The following TSBP1 variants were observed in gnomAD, a reference collection of about 807,000 sequenced individuals.
TSBP1 encodes testis expressed basic protein 1, also known as testis-expressed basic protein 1.
In TSBP1, 56 loss-of-function variants were observed where a neutral mutation model predicts 68.8. That is an observed-to-expected ratio of 0.81 (90% CI 0.66 to 1.02). TSBP1 has a LOEUF of 1.02. Among genes scored for constraint, TSBP1 ranks in the 50% least tolerant of loss-of-function variants. TSBP1 has a pLI of 0.00. For synonymous variants in TSBP1, 171 were observed against 208.7 expected (o/e 0.82, Z 1.56); for missense variants, 502 against 641.2 (o/e 0.78, Z 2.34).
exon 23 of TSBP1, chr6:32,294,025 T>A: frequency 6.2e-7 from 1 of 1,608,558 alleles, no homozygotes; most frequent in Non-Finnish European, 8.5e-7. Context: ...CCATGTAACC[T>A]GTTAATATAA....
Position 32,336,254 on chromosome 6 carries a change from G to A in TSBP1, c.431-322C>T, listed in dbSNP as rs6930681. Among the ~76,000 whole-genome samples, 51,188 of 152,092 alleles carry A rather than the reference G, an allele frequency of 0.34. 9,683 individuals are homozygous for A. The highest frequency in any genetic ancestry group is 0.52 in the Middle Eastern group (153 of 294). The stretch of plus-strand genomic sequence containing the variant: ...TTGCCCCTAGTTTCCTTAGAGACAT[G>A]GTTTATTTGAAAGGTGTACCTTCCC... On this transcript the variant is annotated intron_variant, in intron 12 of 22. Transcript: ENST00000612031. This position sits in a 1 kb window ranked among gnomAD's most constrained non-coding sequence, Gnocchi z 5.2.
Position 32,370,001 on chromosome 6 carries a change from C to G in TSBP1, c.14-18G>C. 1 of 1,522,166 alleles carries G rather than the reference C, an allele frequency of 6.6e-7. No homozygotes were observed. The highest frequency in any genetic ancestry group is 9.1e-7 in the Non-Finnish European group (1 of 1,097,178). The allele number at this position is 1,522,166 out of a possible 1,614,324, so 94.3% of individuals were successfully genotyped here. ...AGTTATTTCTGAAAACAAAAACTCA[C>G]CTGTAAACATGCTTATTTAGACCAG... On this transcript the variant is annotated intron_variant, in intron 1 of 22. Transcript: ENST00000612031.
rs1187126861 is a variant in TSBP1, at chr6:32,351,696, T to C, written c.260-1867A>G. ...TCCACAGAATGGAAACTCTTGAATG[T>C]TTATGAGTGTGAGATTAACTTCATT... On this transcript the variant is annotated intron_variant, in intron 8 of 22. Transcript: ENST00000612031. 3.3e-5 allele frequency among the ~76,000 whole-genome samples: 5 copies of C among 152,104 alleles called. No homozygotes were observed. The East Asian group carries it at 9.6e-4, about 29-fold the overall frequency.
intron 8 of TSBP1, among the ~76,000 whole-genome samples, chr6:32,354,096 T>G (rs548912116): frequency 6.6e-6 from 1 of 152,012 alleles, no homozygotes; most frequent in East Asian, 1.9e-4. Context: ...TGTGTGGTGT[T>G]GGGGGAGAGT....
intron 6 of TSBP1, among the ~76,000 whole-genome samples, chr6:32,363,490 T>C (rs1773300148): frequency 1.3e-5 from 2 of 151,612 alleles, no homozygotes; most frequent in Non-Finnish European, 2.9e-5. Context: ...TTTTCTGTAG[T>C]GGTATGCTTT....
intron 16 of TSBP1, chr6:32,324,502 T>A: frequency 1.0e-6 from 1 of 961,200 alleles, no homozygotes; most frequent in Non-Finnish European, 1.6e-6. Flanking sequence ...TTCCAGTACA[T>A]CATGAATAAT....
intron 9 of TSBP1, among the ~76,000 whole-genome samples, chr6:32,347,523 T>G (rs1269124098): frequency 6.6e-6 from 1 of 152,204 alleles, no homozygotes; most frequent in African/African-American, 2.4e-5. Flanking sequence ...GAAGCACATA[T>G]GAGACTTTAC....
At chr6:32,295,342 A>G (rs1458173063) in intron 22 of TSBP1, among the ~76,000 whole-genome samples, 1 of 82,454 alleles carries the variant, frequency 1.2e-5, no homozygotes, top group Non-Finnish European at 2.5e-5. Flanking sequence ...TCTCACACAC[A>G]CACACACAAA....
intron 22 of TSBP1, 107 bp downstream of exon 25, chr6:32,299,815 T>C (rs1291388525): frequency 8.1e-6 from 7 of 861,626 alleles, no homozygotes; most frequent in Non-Finnish European, 1.4e-5. Flanking sequence ...AACATTCAAA[T>C]TGGCCTTAGA....
chr6:32,347,545 C>G (rs1194804304), intron 9 of TSBP1, among the ~76,000 whole-genome samples: 1 of 152,190 alleles, frequency 6.6e-6, no homozygotes, highest in Admixed American at 6.5e-5. Flanking sequence ...CTGTACCTCT[C>G]TCCTTCTTGC....
At position 32,327,654 on chromosome 6, in the gene TSBP1, C is replaced by CTTTTATTTTCTTTCTTTCTT. The variant is rs70993815; in HGVS notation, c.514+2934_514+2935insAAGAAAGAAAGAAAATAAAA. Among the ~76,000 whole-genome samples, 42 of 147,042 alleles carry CTTTTATTTTCTTTCTTTCTT rather than the reference C, an allele frequency of 2.9e-4. 1 individual carries two copies. The highest frequency in any genetic ancestry group is 4.2e-4 in the Non-Finnish European group (28 of 66,782). On this transcript the variant is annotated intron_variant, in intron 16 of 22. Coordinates refer to ENST00000612031, the Ensembl canonical transcript of TSBP1. The stretch of plus-strand genomic sequence containing the variant: ...CTTTTGTCAGTCTAATTTTCTTTTT[C>CTTTTATTTTCTTTCTTTCTT]TTTTTTTTTTTCTTTTTGAGACAGA...
In TSBP1 at chr6:32,340,561, A is replaced by T. The variant is rs1009481004; in HGVS notation, c.350-923T>A. Among the ~76,000 whole-genome samples, 2 of 152,202 alleles carry T rather than the reference A, an allele frequency of 1.3e-5. No homozygotes were observed. Among genetic ancestry groups the T allele is most frequent in the African/African-American group, 4.8e-5 (2 of 41,452 alleles). On this transcript the variant is annotated intron_variant, in intron 9 of 22. Transcript: ENST00000612031. The surrounding 1 kb of genome is among the most constrained non-coding windows in gnomAD (Gnocchi z 4.8). ...TAATTTTTTAAGATTTAAGATATTA[A>T]CCTATGTTAGGAGTGACAAGTATAC...
In TSBP1 at chr6:32,315,780, C is replaced by A. The variant is rs1027615379; in HGVS notation, c.572G>T (p.Arg191Ile). 6.6e-7 allele frequency: 1 copy of A among 1,515,740 alleles called. No homozygotes were observed. The highest frequency in any genetic ancestry group is 2.4e-5 in the East Asian group (1 of 41,928). 93.9% of individuals were successfully genotyped at this position (1,515,740 alleles called of 1,614,324 possible). Residue 191 changes from arginine to isoleucine, a missense_variant, in exon 19 of 23, where the codon AGA becomes ATA. Physicochemically the swap from Arg to Ile is moderately conservative, Grantham distance 97. Transcript: ENST00000612031. This position sits in a 1 kb window ranked among gnomAD's most constrained non-coding sequence, Gnocchi z 5.4. ...AGAAATAAAGAACTTACTTGCAGTT[C>A]TCTGCGAAATTACTAAAAAATAAGC...
At chr6:32,323,287 C>A in intron 17 of TSBP1, 150 bp from the exon 19 acceptor site, 1 of 661,508 alleles carries the variant, frequency 1.5e-6, no homozygotes. Flanking sequence ...AAGTATTTGG[C>A]TCAGTTTCTT....
Position 32,309,700 on chromosome 6 carries a change from G to A in TSBP1, c.580+6072C>T, listed in dbSNP as rs117352771. On this transcript the variant is annotated intron_variant, in intron 19 of 22. Coordinates refer to ENST00000612031, the Ensembl canonical transcript of TSBP1. ...GTAATAATGTGTAGTAATCACATCA[G>A]GGTTAACTGAATATCACCTTAAGCA... Among the ~76,000 whole-genome samples, 1,016 of 152,176 alleles carry A rather than the reference G, an allele frequency of 6.7e-3. 18 individuals are homozygous for A. Among genetic ancestry groups the A allele is most frequent in the East Asian group, 0.02 (103 of 5,188 alleles).
intron 4 of TSBP1, among the ~76,000 whole-genome samples, 191 bp downstream of exon 4, chr6:32,367,731 AAGG>A (rs1773918889): frequency 1.3e-5 from 2 of 152,218 alleles, no homozygotes; most frequent in African/African-American, 4.8e-5. Flanking sequence ...TGGTCTTAAG[AAGG>A]AGAACTATTT....
At chr6:32,358,362 T>C (rs1265220548) in intron 6 of TSBP1, among the ~76,000 whole-genome samples, 2 of 152,182 alleles carry the variant, frequency 1.3e-5, no homozygotes, top group Non-Finnish European at 2.9e-5. Context: ...TGGAATTTTA[T>C]TGCACAAGTC....
chr6:32,336,698 T>G lies in TSBP1; in HGVS notation c.410-63A>C, dbSNP rs549585188. On this transcript the variant is annotated intron_variant, in intron 11 of 22. Transcript: ENST00000612031. The surrounding 1 kb of genome is among the most constrained non-coding windows in gnomAD (Gnocchi z 5.2). ...AATAGAATTTTCATTTTACCAGTAT[T>G]GTTTCTAAAGAAACTATGAAGCAAT... The G allele has an allele frequency of 5.0e-4, 746 of 1,481,044 alleles. 3 individuals carry two copies. The highest frequency in any genetic ancestry group is 9.4e-4 in the Admixed American group (56 of 59,436). The allele number at this position is 1,481,044 out of a possible 1,614,324, so 91.7% of individuals were successfully genotyped here.
At chr6:32,339,323 A>C in intron 10 of TSBP1, 1 of 535,814 alleles carries the variant, frequency 1.9e-6, no homozygotes, top group Non-Finnish European at 3.3e-6. Flanking sequence ...TGTTAAATGA[A>C]AAAATTAATC....
Sources: allele counts gnomAD v4.1 joint callset (sites outside exome capture counted in the v4.1 genomes callset), GRCh38; gene constraint gnomAD v4.1.1; non-coding constraint Gnocchi (gnomAD v3.1); transcripts MANE v1.5; gene names NCBI Gene and HGNC (gene_info 2026-07-23, HGNC 2026-07-21).